Variants in SGCZ observed in about 807,000 individuals in gnomAD.
SGCZ encodes the protein sarcoglycan zeta.
In SGCZ, 40 loss-of-function variants were observed where a neutral mutation model predicts 41.3. That is an observed-to-expected ratio of 0.97 (90% confidence interval 0.75 to 1.26). SGCZ has a LOEUF of 1.26. Among genes scored for constraint, SGCZ ranks in the 50% most tolerant of loss-of-function variants. The probability of loss-of-function intolerance (pLI) is 0.00; values close to 1 mark genes in which losing one functional copy is unlikely to be tolerated. For synonymous variants in SGCZ, 206 were observed against 137.5 expected (o/e 1.50, Z -3.49); for missense variants, 552 against 369.8 (o/e 1.49, Z -4.04).
chr8:14,605,778 A>T (rs1585119001), intron 1 of SGCZ, among the ~76,000 whole-genome samples: 1 of 152,202 alleles, frequency 6.6e-6, no homozygotes, highest in African/African-American at 2.4e-5. Context: ...TTGAGAAAAA[A>T]CAGTCAAGAT....
At chr8:14,691,917 G>A (rs1246859692) in intron 1 of SGCZ, among the ~76,000 whole-genome samples, 1 of 151,760 alleles carries the variant, frequency 6.6e-6, no homozygotes, top group Non-Finnish European at 1.5e-5. Flanking sequence ...TATATATTGT[G>A]TTCTTGTTTT....
intron 1 of SGCZ, among the ~76,000 whole-genome samples, chr8:15,216,213 CTTTTTTTTTCTTTTT>C (rs1481899686): frequency 1.5e-5 from 1 of 68,488 alleles, no homozygotes; most frequent in African/African-American, 4.4e-5. Context: ...TTAGCTTATT[CTTTTTTTTTCTTTTT>C]TTTTTTTTTT....
chr8:14,753,572 G>T (rs918731511), intron 1 of SGCZ, among the ~76,000 whole-genome samples: 3 of 152,158 alleles, frequency 2.0e-5, no homozygotes, highest in Non-Finnish European at 4.4e-5. Flanking sequence ...AGATAAGTCT[G>T]ATTCCTGGAT....
intron 1 of SGCZ, among the ~76,000 whole-genome samples, chr8:14,860,723 A>AAAGAAAGAAAGC (rs1803714557): frequency 6.6e-6 from 1 of 150,708 alleles, no homozygotes; most frequent in Admixed American, 6.6e-5. Context: ...AGAAAGAAAG[A>AAAGAAAGAAAGC]AAGAAAGAAA....
chr8:15,139,599 C>T (rs536549691), intron 1 of SGCZ, among the ~76,000 whole-genome samples: 35 of 152,212 alleles, frequency 2.3e-4, no homozygotes, highest in Admixed American at 1.8e-3. Context: ...AGCATATCTA[C>T]CATTTCACAC....
chr8:14,738,613 G>A (rs1342380379), intron 1 of SGCZ, among the ~76,000 whole-genome samples: 2 of 151,956 alleles, frequency 1.3e-5, no homozygotes, highest in African/African-American at 4.8e-5. Flanking sequence ...ATCTCTTATG[G>A]TTAGCAGCAG....
intron 2 of SGCZ, among the ~76,000 whole-genome samples, chr8:14,362,709 C>T (rs1253623618): frequency 1.3e-5 from 2 of 152,146 alleles, no homozygotes; most frequent in African/African-American, 4.8e-5. Context: ...CACCCACTCA[C>T]CAACCAGTCC....
chr8:14,342,266 G>A (rs1235318288), intron 2 of SGCZ, among the ~76,000 whole-genome samples: 3 of 152,168 alleles, frequency 2.0e-5, no homozygotes, highest in African/African-American at 7.2e-5. Flanking sequence ...CTAGAGATTT[G>A]TGGAACTTTG....
At chr8:14,951,536 G>T (rs1800637679) in intron 1 of SGCZ, among the ~76,000 whole-genome samples, 1 of 151,968 alleles carries the variant, frequency 6.6e-6, no homozygotes, top group South Asian at 2.1e-4. Context: ...GCTGTAATAT[G>T]TCAAGAATTA....
At chr8:14,275,914 C>T (rs1306951317) in intron 3 of SGCZ, among the ~76,000 whole-genome samples, 2 of 152,224 alleles carry the variant, frequency 1.3e-5, no homozygotes, top group Non-Finnish European at 2.9e-5. Context: ...GTCTGCTAAA[C>T]TCTTTGAGGA....
chr8:14,886,648 A>C (rs575600824), intron 1 of SGCZ, among the ~76,000 whole-genome samples: 2 of 152,246 alleles, frequency 1.3e-5, no homozygotes, highest in African/African-American at 4.8e-5. Context: ...GGAGAAGAAA[A>C]GAAAGAGATG....
intron 3 of SGCZ, among the ~76,000 whole-genome samples, chr8:14,291,689 A>G (rs984465320): frequency 6.6e-6 from 1 of 151,974 alleles, no homozygotes; most frequent in Non-Finnish European, 1.5e-5. Context: ...ACATATATAT[A>G]TATGTATTCT....
At chr8:14,096,437 G>T (rs2116965151) in intron 7 of SGCZ, among the ~76,000 whole-genome samples, 1 of 152,268 alleles carries the variant, frequency 6.6e-6, no homozygotes, top group Non-Finnish European at 1.5e-5. Context: ...AACCAGCCTT[G>T]CATCCCAGGG....
At position 14,582,068 on chromosome 8, in the gene SGCZ, C is replaced by A. The variant is rs549869397; in HGVS notation, c.40-27142G>T. Among the ~76,000 whole-genome samples, 37 of 152,192 alleles carry A rather than the reference C, an allele frequency of 2.4e-4. No individual in the cohort carries two copies. In the East Asian group the frequency reaches 5.8e-3, roughly 24 times the overall value. On this transcript the variant is annotated intron_variant, in intron 1 of 7. Transcript: ENST00000382080. The stretch of plus-strand genomic sequence containing the variant: ...TCAACGTGATGATGAGCATGAAGAA[C>A]TTTATGATGATCTACTTCTGCTTAA...
intron 1 of SGCZ, among the ~76,000 whole-genome samples, chr8:14,680,039 T>A (rs1585177186): frequency 6.6e-6 from 1 of 152,114 alleles, no homozygotes; most frequent in African/African-American, 2.4e-5. Flanking sequence ...TAGGTTTAAG[T>A]ATTTTCCATA....
At chr8:14,466,666 A>G (rs1801059043) in intron 2 of SGCZ, among the ~76,000 whole-genome samples, 1 of 151,520 alleles carries the variant, frequency 6.6e-6, no homozygotes, top group Non-Finnish European at 1.5e-5. Flanking sequence ...TCTATTCCTC[A>G]GACTCAATAA....
intron 1 of SGCZ, among the ~76,000 whole-genome samples, chr8:14,710,171 C>T (rs912819062): frequency 6.6e-6 from 1 of 151,590 alleles, no homozygotes; most frequent in African/African-American, 2.4e-5. Flanking sequence ...TCGAGACCAT[C>T]CTGGCTAACC....
intron 1 of SGCZ, among the ~76,000 whole-genome samples, chr8:14,920,284 G>C (rs1799552576): frequency 6.6e-6 from 1 of 152,130 alleles, no homozygotes; most frequent in Non-Finnish European, 1.5e-5. Context: ...GCTATAATAA[G>C]ATTTCAAAGT....
intron 4 of SGCZ, among the ~76,000 whole-genome samples, chr8:14,218,603 G>A (rs1194347496): frequency 2.6e-5 from 4 of 152,184 alleles, no homozygotes. Context: ...TATGTTAAAT[G>A]ACATTTTAAT....
Sources: gnomAD v4.1 joint callset for allele counts (sites outside exome capture counted in the v4.1 genomes callset) on GRCh38, gnomAD v4.1.1 for gene constraint, MANE v1.5 for transcripts, NCBI Gene and HGNC (gene_info 2026-07-23, HGNC 2026-07-21) for gene names.